NCALD: variants seen among roughly 807,000 people sequenced by gnomAD.
NCALD encodes neurocalcin-delta.
In NCALD, 10 loss-of-function variants were observed where a neutral mutation model predicts 18.6. The ratio of observed to expected loss-of-function variants is 0.54; its 90% CI spans 0.33 to 0.91. The LOEUF (loss-of-function observed/expected upper bound fraction) is 0.91, where lower values mean the gene tolerates loss of function less well. Among genes scored for constraint, NCALD ranks in the 40% least tolerant of loss-of-function variants. The probability of loss-of-function intolerance (pLI) is 0.03; values close to 1 mark genes in which losing one functional copy is unlikely to be tolerated. For missense variants in NCALD, 184 were observed against 247.6 expected (o/e 0.74, Z 1.72); for synonymous variants, 88 against 87.4 (o/e 1.01, Z -0.04).
chr8:101,951,169 AAT>A (rs1054103296), intron 2 of NCALD, among the ~76,000 whole-genome samples: 20 of 152,316 alleles, frequency 1.3e-4, no homozygotes, highest in African/African-American at 2.9e-4. Context: ...AACCTGTTGC[AAT>A]ATATATGTTT....
intron 1 of NCALD, among the ~76,000 whole-genome samples, chr8:102,082,583 T>C (rs1824586379): frequency 6.6e-6 from 1 of 152,122 alleles, no homozygotes; most frequent in African/African-American, 2.4e-5. Context: ...ATGCCCCACA[T>C]AGAAAACTTA....
rs117953943 is a variant in NCALD, at chr8:102,112,293, C to T, written c.-210+11944G>A. 9.3e-3 allele frequency among the ~76,000 whole-genome samples: 1,408 copies of T among 152,170 alleles called. 20 individuals carry two copies. Among genetic ancestry groups the T allele is most frequent in the Non-Finnish European group, 0.015 (1,010 of 68,000 alleles). Reference sequence around the variant, plus strand: ...ATAAGGCAGGTACTATTATTGCTTCCGTTGTCACCTGAAGATACAAGCTCC... The same window carrying T: ...ATAAGGCAGGTACTATTATTGCTTCTGTTGTCACCTGAAGATACAAGCTCC... On this transcript the variant is annotated intron_variant, in intron 1 of 6. Coordinates refer to the NCALD transcript ENST00000311028.
chr8:101,800,020 A>G (rs1812782041), intron 4 of NCALD, among the ~76,000 whole-genome samples: 1 of 152,230 alleles, frequency 6.6e-6, no homozygotes, highest in Non-Finnish European at 1.5e-5. Context: ...AATTTTTAAA[A>G]TGAAGGTGAG....
At chr8:101,978,595 T>C (rs962008572) in intron 2 of NCALD, among the ~76,000 whole-genome samples, 1 of 152,142 alleles carries the variant, frequency 6.6e-6, no homozygotes, top group South Asian at 2.1e-4. Flanking sequence ...ATGATGATAT[T>C]TGTCAAAATG....
chr8:101,808,011 A>G (rs1373986456), intron 4 of NCALD, among the ~76,000 whole-genome samples: 1 of 152,184 alleles, frequency 6.6e-6, no homozygotes, highest in African/African-American at 2.4e-5. Flanking sequence ...ACTTTGAACA[A>G]ATTAATAAAA....
At chr8:102,111,968 C>CT (rs1233501759) in intron 1 of NCALD, among the ~76,000 whole-genome samples, 1 of 152,142 alleles carries the variant, frequency 6.6e-6, no homozygotes, top group African/African-American at 2.4e-5. Context: ...TAAATTAGAA[C>CT]TTTTTAATTT....
chr8:102,040,615 T>C (rs1823018743), intron 1 of NCALD, among the ~76,000 whole-genome samples: 1 of 152,078 alleles, frequency 6.6e-6, no homozygotes, highest in Admixed American at 6.6e-5. Context: ...CTGATTAGAA[T>C]GGGGGAAAAC....
chr8:102,088,038 C>T (rs886480063), intron 1 of NCALD, among the ~76,000 whole-genome samples: 11 of 152,136 alleles, frequency 7.2e-5, no homozygotes, highest in South Asian at 2.1e-4. Context: ...AAATCTTTTG[C>T]GCTTTGTGAT....
chr8:102,049,402 T>C (rs751042593), intron 1 of NCALD, among the ~76,000 whole-genome samples: 2 of 152,184 alleles, frequency 1.3e-5, no homozygotes, highest in Non-Finnish European at 2.9e-5. Context: ...GAAAAAATAT[T>C]CCATTGTATG....
intron 4 of NCALD, among the ~76,000 whole-genome samples, chr8:101,824,134 A>G (rs1286797896): frequency 1.3e-5 from 2 of 152,298 alleles, no homozygotes; most frequent in East Asian, 3.9e-4. Flanking sequence ...GTAGCACAGA[A>G]CCTATGCTCT....
At chr8:101,720,308 T>C (rs558735498) in intron 1 of NCALD, among the ~76,000 whole-genome samples, 1 of 152,344 alleles carries the variant, frequency 6.6e-6, no homozygotes, top group South Asian at 2.1e-4. Context: ...CATAAAGTTA[T>C]GTCATGATTT....
intron 1 of NCALD, among the ~76,000 whole-genome samples, chr8:101,775,132 A>C (rs1373285910): frequency 1.3e-5 from 2 of 152,188 alleles, no homozygotes; most frequent in South Asian, 2.1e-4. Context: ...GCATAAATCC[A>C]CTACAGGAGT....
At chr8:101,878,714 AT>A (rs1312216250) in intron 4 of NCALD, among the ~76,000 whole-genome samples, 4 of 152,252 alleles carry the variant, frequency 2.6e-5, no homozygotes, top group Non-Finnish European at 5.9e-5. Context: ...TTAAAAATAA[AT>A]CAGACTGATG....
chr8:102,031,131 C>T (rs1037020705), intron 1 of NCALD, among the ~76,000 whole-genome samples: 1 of 152,098 alleles, frequency 6.6e-6, no homozygotes, highest in African/African-American at 2.4e-5. Flanking sequence ...TGAGTTTGAT[C>T]AAACCTCAAA....
intron 4 of NCALD, among the ~76,000 whole-genome samples, chr8:101,884,075 T>C (rs890223483): frequency 6.6e-6 from 1 of 152,226 alleles, no homozygotes; most frequent in African/African-American, 2.4e-5. Flanking sequence ...GATGCCCGCC[T>C]TGCTCTCCAG....
chr8:102,022,108 G>A (rs1237391199), intron 1 of NCALD, among the ~76,000 whole-genome samples: 2 of 152,142 alleles, frequency 1.3e-5, no homozygotes, highest in East Asian at 3.9e-4. Context: ...CCAAGAGGTG[G>A]TGATGCAGGT....
At position 102,039,250 on chromosome 8, in the gene NCALD, T is replaced by C. The variant is rs181581373; in HGVS notation, c.-209-18961A>G. ...CCCCTGGGACCTCTGAGATAATAAA[T>C]GCATATTGTTTAAGCCAAAGCCCCA... On this transcript the variant is annotated intron_variant, in intron 1 of 6. Transcript: ENST00000311028. Among the ~76,000 whole-genome samples the C allele has an allele frequency of 3.3e-4, 50 of 152,212 alleles. No homozygotes were observed. In the East Asian group the frequency reaches 8.7e-3, roughly 26 times the overall value.
intron 2 of NCALD, among the ~76,000 whole-genome samples, chr8:101,988,644 C>A (rs991296918): frequency 6.6e-6 from 1 of 152,060 alleles, no homozygotes; most frequent in African/African-American, 2.4e-5. Context: ...GTGGTAGGGA[C>A]AAAATTATTA....
intron 1 of NCALD, among the ~76,000 whole-genome samples, chr8:102,090,888 T>A (rs1043695631): frequency 6.6e-6 from 1 of 152,236 alleles, no homozygotes; most frequent in Non-Finnish European, 1.5e-5. Context: ...AATGGCGTGC[T>A]TTCCTTTAAG....
Sources: allele counts gnomAD v4.1 joint callset (sites outside exome capture counted in the v4.1 genomes callset), GRCh38; gene constraint gnomAD v4.1.1; transcripts MANE v1.5; gene names NCBI Gene and HGNC (gene_info 2026-07-23, HGNC 2026-07-21).